Variants in SAMTOR observed in about 807,000 individuals in gnomAD.
SAMTOR encodes the protein UPF0532 protein C7orf60.
chr7:112,837,470 T>A, the SAMTOR span, among the ~76,000 whole-genome samples: 1 of 151,750 alleles, frequency 6.6e-6, no homozygotes, highest in African/African-American at 2.4e-5. Context: ...AATCATTTTA[T>A]GCTTAGCTAG....
At chr7:112,841,115 T>A in the SAMTOR span, among the ~76,000 whole-genome samples, 1 of 151,980 alleles carries the variant, frequency 6.6e-6, no homozygotes, top group South Asian at 2.1e-4. Context: ...ATAAAGGGTA[T>A]TCAAATAGGA....
chr7:112,930,077 G>A, the SAMTOR span, among the ~76,000 whole-genome samples: 16 of 152,042 alleles, frequency 1.1e-4, no homozygotes, highest in Admixed American at 9.2e-4. Flanking sequence ...TGCCAAATAC[G>A]GGCCCTAAGA....
chr7:112,880,695 C>T, the SAMTOR span, among the ~76,000 whole-genome samples: 2 of 152,110 alleles, frequency 1.3e-5, no homozygotes, highest in African/African-American at 4.8e-5. Flanking sequence ...ATTAAGATTT[C>T]AGCAAAATAC....
the SAMTOR span, among the ~76,000 whole-genome samples, chr7:112,855,677 G>A: frequency 6.6e-6 from 1 of 152,064 alleles, no homozygotes; most frequent in Admixed American, 6.6e-5. Context: ...AAATCTCCCT[G>A]ACACCCTCTT....
chr7:112,905,355 C>G, the SAMTOR span, among the ~76,000 whole-genome samples: 1 of 152,102 alleles, frequency 6.6e-6, no homozygotes, highest in African/African-American at 2.4e-5. Flanking sequence ...CCTCAGTCAC[C>G]TCTATAAATT....
the SAMTOR span, chr7:112,821,982 C>T: frequency 1.2e-6 from 2 of 1,613,412 alleles, no homozygotes; most frequent in Non-Finnish European, 1.7e-6. Context: ...AACCAAGTCA[C>T]TTGTGGTTTT....
At chr7:112,906,768 C>A in the SAMTOR span, among the ~76,000 whole-genome samples, 1 of 152,126 alleles carries the variant, frequency 6.6e-6, no homozygotes, top group East Asian at 1.9e-4. Context: ...GACAGGGATT[C>A]ACCATGTTGG....
the SAMTOR span, among the ~76,000 whole-genome samples, chr7:112,886,474 AC>A: frequency 1.3e-5 from 2 of 152,218 alleles, no homozygotes; most frequent in Non-Finnish European, 1.5e-5. Flanking sequence ...AAACTCAAGC[AC>A]AAAGATTTAT....
chr7:112,913,348 G>C, the SAMTOR span, among the ~76,000 whole-genome samples: 5 of 152,054 alleles, frequency 3.3e-5, no homozygotes, highest in Non-Finnish European at 5.9e-5. Context: ...TGGCTCCTCT[G>C]AGTCATTACA....
the SAMTOR span, among the ~76,000 whole-genome samples, chr7:112,913,173 C>G: frequency 5.3e-5 from 8 of 152,170 alleles, no homozygotes; most frequent in Non-Finnish European, 7.3e-5. Flanking sequence ...AAACATTTAA[C>G]CCCAACCATC....
At chr7:112,920,717 A>C in the SAMTOR span, among the ~76,000 whole-genome samples, 2 of 147,456 alleles carry the variant, frequency 1.4e-5, no homozygotes, top group African/African-American at 5.0e-5. Context: ...TCTCAGCCCA[A>C]AATCTCCTTA....
the SAMTOR span, chr7:112,939,866 C>G: frequency 1.3e-6 from 1 of 775,140 alleles, no homozygotes; most frequent in Non-Finnish European, 2.0e-6. Context: ...GGCAGAGGAA[C>G]CGGAGCGACA....
the SAMTOR span, among the ~76,000 whole-genome samples, chr7:112,917,421 G>A: frequency 2.0e-5 from 3 of 152,120 alleles, no homozygotes; most frequent in African/African-American, 4.8e-5. Context: ...CAAACAGAAA[G>A]GACATCCACA....
the SAMTOR span, among the ~76,000 whole-genome samples, chr7:112,926,110 T>G: frequency 1.3e-5 from 2 of 152,168 alleles, no homozygotes; most frequent in African/African-American, 4.8e-5. Context: ...ACAATCTCAG[T>G]GGGCTCCAGC....
chr7:112,877,579 T>G, the SAMTOR span, among the ~76,000 whole-genome samples: 2 of 152,130 alleles, frequency 1.3e-5, no homozygotes, highest in Admixed American at 6.5e-5. Flanking sequence ...AACAAAAAAT[T>G]TATCAATAAG....
chr7:112,927,125 A>T, the SAMTOR span, among the ~76,000 whole-genome samples: 1 of 152,032 alleles, frequency 6.6e-6, no homozygotes, highest in African/African-American at 2.4e-5. Flanking sequence ...ATTTTGAGCA[A>T]AGTTTTTCAA....
At chr7:112,822,989 G>A in the SAMTOR span, among the ~76,000 whole-genome samples, 2 of 151,972 alleles carry the variant, frequency 1.3e-5, no homozygotes, top group South Asian at 2.1e-4. Context: ...TACAACAGAG[G>A]AATGAATAAC....
the SAMTOR span, among the ~76,000 whole-genome samples, chr7:112,894,252 G>C: frequency 1.3e-5 from 2 of 152,064 alleles, no homozygotes; most frequent in South Asian, 2.1e-4. Context: ...CCGTGGAGCA[G>C]TTAGAACATA....
chr7:112,856,407 G>A, the SAMTOR span, among the ~76,000 whole-genome samples: 1 of 151,814 alleles, frequency 6.6e-6, no homozygotes, highest in Non-Finnish European at 1.5e-5. Context: ...GAGCCACCAC[G>A]CCCAGCTAAT....
Sources: allele counts gnomAD v4.1 joint callset (sites outside exome capture counted in the v4.1 genomes callset), GRCh38; gene constraint gnomAD v4.1.1; transcripts MANE v1.5; gene names NCBI Gene and HGNC (gene_info 2026-07-23, HGNC 2026-07-21).